The following PSD4 variants were observed in gnomAD, a reference collection of about 807,000 sequenced individuals.
PSD4 encodes PH and SEC7 domain-containing protein 4.
In PSD4, 59 loss-of-function variants were observed where a neutral mutation model predicts 112.5. The observed-to-expected ratio is 0.52, with a 90% CI of 0.43 to 0.65. The LOEUF (loss-of-function observed/expected upper bound fraction) is 0.65. Ranked by LOEUF, PSD4 falls within the 30% of genes least tolerant of loss-of-function variation. The pLI is 0.00. For missense variants in PSD4, 1,267 were observed against 1,352.6 expected (o/e 0.94, Z 0.99); for synonymous variants, 533 against 540.0 (o/e 0.99, Z 0.18).
chr2:113,186,078 C>T lies in PSD4; in HGVS notation c.1451C>T (p.Thr484Ile). 1 of 1,614,218 alleles carries T rather than the reference C, an allele frequency of 6.2e-7. No homozygotes were observed. Among genetic ancestry groups the T allele is most frequent in the Non-Finnish European group, 8.5e-7 (1 of 1,180,046 alleles). The change falls in exon 5 of 17, where the codon ACA becomes ATA. Residue 484 changes from threonine (T) to isoleucine (I), a missense_variant. This residue lies in a region of PSD4 where 723 missense variants were observed against 704.0 expected (regional missense o/e 1.03). Transcript: ENST00000245796. Reference protein sequence around the residue: ...HHSSGILPKWTLDASQSSLLE... With the variant: ...HHSSGILPKWILDASQSSLLE... ...AGCTCAGGCATTTTGCCCAAGTGGA[C>T]ACTAGATGCTTCACAGTCTTCACTC...
chr2:113,182,771 T>C lies in PSD4; in HGVS notation c.315T>C (p.Pro105=). Residue 105 remains proline, a synonymous_variant, in exon 2 of 17, where the codon CCT becomes CCC. Transcript: ENST00000245796. ...DPPESTRQDA[P]PWGSGVELTH... is the part of the protein sequence containing the mutation. Reference sequence around the variant, plus strand: ...CTGAATCTACCAGACAAGATGCTCCTCCCTGGGGCTCCGGTGTGGAGCTCA... The same window carrying C: ...CTGAATCTACCAGACAAGATGCTCCCCCCTGGGGCTCCGGTGTGGAGCTCA... 1 of 1,593,704 alleles carries C rather than the reference T, an allele frequency of 6.3e-7. No homozygotes were observed. Among genetic ancestry groups the C allele is most frequent in the Non-Finnish European group, 8.6e-7 (1 of 1,168,290 alleles).
intron 5 of PSD4, among the ~76,000 whole-genome samples, chr2:113,186,689 A>T (rs905256038): frequency 2.6e-5 from 4 of 152,232 alleles, no homozygotes; most frequent in African/African-American, 9.6e-5. Context: ...TCTGGGAGGC[A>T]TTCACCAAAG....
At chr2:113,184,665 G>A (rs768980262) in intron 2 of PSD4, among the ~76,000 whole-genome samples, 80 of 152,100 alleles carry the variant, frequency 5.3e-4, no homozygotes, top group Non-Finnish European at 1.0e-3. Flanking sequence ...CACTGCGCCC[G>A]CCATGGACTT....
Position 113,185,400 on chromosome 2 carries a change from T to C in PSD4, c.1209T>C (p.Gly403=), listed in dbSNP as rs745868676. The C allele has an allele frequency of 1.2e-6, 2 of 1,613,934 alleles. No homozygotes were observed. The highest frequency in any genetic ancestry group is 1.7e-6 in the Non-Finnish European group (2 of 1,179,990). The change falls in exon 4 of 17, where the codon GGT becomes GGC. Residue 403 remains glycine (G), a synonymous_variant. Coordinates refer to ENST00000245796, the MANE Select transcript of PSD4 (RefSeq NM_012455.3). The part of the protein sequence containing the change: ...SLSPEGWQRG[G]PFWPQVTLNS... ...GCCCTGAGGGCTGGCAGAGAGGAGGTCCTTTTTGGCCCCAGGTGACTCTTA... is the reference window on the plus strand; with the variant it reads ...GCCCTGAGGGCTGGCAGAGAGGAGGCCCTTTTTGGCCCCAGGTGACTCTTA...
intron 1 of PSD4, 37 bp from the exon 2 acceptor site, chr2:113,182,309 C>A: frequency 2.7e-6 from 2 of 743,942 alleles, no homozygotes; most frequent in African/African-American, 1.8e-5. Flanking sequence ...AGGCTGACAG[C>A]CCTTCCCTAA....
At chr2:113,195,100 A>T (rs1396641789) in intron 10 of PSD4, among the ~76,000 whole-genome samples, 1 of 151,940 alleles carries the variant, frequency 6.6e-6, no homozygotes, top group Non-Finnish European at 1.5e-5. Flanking sequence ...TTTCTCCTCC[A>T]TGAGAACTAG....
chr2:113,193,516 C>T (rs1332783340), intron 8 of PSD4, 76 bp from the exon 9 acceptor site: 6 of 1,537,412 alleles, frequency 3.9e-6, no homozygotes, highest in Non-Finnish European at 5.4e-6. Flanking sequence ...TTCGGTTACC[C>T]CACGCAGTGT....
chr2:113,182,928 G>A lies in PSD4; in HGVS notation c.472G>A (p.Ala158Thr). 6.2e-7 allele frequency: 1 copy of A among 1,614,234 alleles called. No individual in the cohort carries two copies. Residue 158 changes from alanine (A) to threonine (T), a missense_variant, in exon 2 of 17, where the codon GCA (alanine) becomes ACA (threonine). Coordinates refer to ENST00000245796, the MANE Select transcript of PSD4 (RefSeq NM_012455.3). ...CACGTCCACACAGGTAGTGTTCTGG[G>A]CAGGCATCCTGCAGGCCCAGATGTG... ...RSTSTQVVFW[A>T]GILQAQMCVL...
At chr2:113,193,517 C>A in intron 8 of PSD4, 75 bp from the exon 9 acceptor site, 2 of 1,533,190 alleles carry the variant, frequency 1.3e-6, no homozygotes, top group South Asian at 2.2e-5. Flanking sequence ...TCGGTTACCC[C>A]ACGCAGTGTG....
At chr2:113,191,772 G>A (rs1287252888) in intron 5 of PSD4, among the ~76,000 whole-genome samples, 1 of 152,102 alleles carries the variant, frequency 6.6e-6, no homozygotes, top group African/African-American at 2.4e-5. Flanking sequence ...TGAGTCGGCT[G>A]GGGGTCACCC....
At position 113,195,408 on chromosome 2, in the gene PSD4, C is replaced by T. The variant is rs190377197; in HGVS notation, c.2182-319C>T. On this transcript the variant is annotated intron_variant, in intron 10 of 16. Transcript: ENST00000245796. Reference sequence around the variant, plus strand: ...AACTCCTGACTTCAAGTGATCCACCCGCCTCGGCCTCCCAAAGTGCAGGGA... The same window carrying T: ...AACTCCTGACTTCAAGTGATCCACCTGCCTCGGCCTCCCAAAGTGCAGGGA... 8.2e-4 allele frequency among the ~76,000 whole-genome samples: 125 copies of T among 152,214 alleles called. 1 individual carries two copies. Among genetic ancestry groups the T allele is most frequent in the African/African-American group, 2.9e-3 (120 of 41,538 alleles).
chr2:113,181,961 T>C (rs970636770), intron 1 of PSD4, among the ~76,000 whole-genome samples: 1 of 152,206 alleles, frequency 6.6e-6, no homozygotes. Flanking sequence ...CTTTGTGGCT[T>C]GCAGCTGCTT....
chr2:113,197,947 C>T, intron 14 of PSD4, 34 bp downstream of exon 14: 1 of 1,520,068 alleles, frequency 6.6e-7, no homozygotes, highest in Non-Finnish European at 8.9e-7. Context: ...GTGGCAAGGC[C>T]TTGCCCTGCC....
Position 113,201,268 on chromosome 2 carries a change from G to T in PSD4, c.3024G>T (p.Arg1008=), listed in dbSNP as rs753827277. The change falls in exon 17 of 17, where the codon CGG becomes CGT. Residue 1008 remains arginine (R), a synonymous_variant. Transcript: ENST00000245796. ...EQLGREAGGT[R]EPKLSLKKSH... is the part of the protein sequence containing the mutation. ...TGGGGAGGGAAGCTGGAGGCACTCG[G>T]GAGCCCAAGCTCAGCCTGAAGAAGT... is the stretch of plus-strand genomic sequence containing the variant. 1 of 1,614,024 alleles carries T rather than the reference G, an allele frequency of 6.2e-7. No individual in the cohort carries two copies. Among genetic ancestry groups the T allele is most frequent in the Non-Finnish European group, 8.5e-7 (1 of 1,180,030 alleles).
At position 113,183,480 on chromosome 2, in the gene PSD4, C is replaced by T. The variant is rs1282737056; in HGVS notation, c.1024C>T (p.Pro342Ser). Residue 342 changes from proline to serine, a missense_variant, in exon 2 of 17, where the codon CCT becomes TCT. Coordinates refer to ENST00000245796, the MANE Select transcript of PSD4 (RefSeq NM_012455.3). The part of the protein sequence containing the change: ...WASVAAAEGA[P>S]AAPPGHGESE... ...CTCAGTGGCTGCCGCTGAGGGGGCT[C>T]CTGCAGCACCTCCTGGTCACGGGGA... The T allele has an allele frequency of 6.3e-7, 1 of 1,588,286 alleles. No homozygotes were observed. Among genetic ancestry groups the T allele is most frequent in the Non-Finnish European group, 8.6e-7 (1 of 1,168,754 alleles).
chr2:113,177,152 C>T (rs1201466476), intron 1 of PSD4, among the ~76,000 whole-genome samples: 2 of 152,236 alleles, frequency 1.3e-5, no homozygotes, highest in African/African-American at 4.8e-5. Context: ...GAACCTACCT[C>T]TGGGGGAGCA....
intron 7 of PSD4, 24 bp downstream of exon 7, chr2:113,193,152 G>C (rs1688504314): frequency 1.6e-5 from 25 of 1,610,870 alleles, no homozygotes; most frequent in Non-Finnish European, 2.1e-5. Flanking sequence ...GCCCTCTCTG[G>C]GGAGGCTGTG....
intron 9 of PSD4, 67 bp downstream of exon 9, chr2:113,193,717 C>T: frequency 6.4e-7 from 1 of 1,572,864 alleles, no homozygotes. Context: ...AGGAGAAGAC[C>T]AGAGGCCTGA....
At chr2:113,181,227 C>CAA (rs34479674) in intron 1 of PSD4, among the ~76,000 whole-genome samples, 2 of 118,644 alleles carry the variant, frequency 1.7e-5, no homozygotes, top group African/African-American at 3.1e-5. Context: ...GACTCTGTCT[C>CAA]AAAAAAAAAA....
Sources: gnomAD v4.1 joint callset for allele counts (sites outside exome capture counted in the v4.1 genomes callset) on GRCh38, gnomAD v4.1.1 for gene constraint, gnomAD v4.1.1 regional missense constraint, MANE v1.5 for transcripts, NCBI Gene and HGNC (gene_info 2026-07-23, HGNC 2026-07-21) for gene names.